The following GUCY1A1 variants were observed in gnomAD, a reference collection of about 807,000 sequenced individuals.
GUCY1A1 encodes guanylate cyclase soluble subunit alpha-1.
GUCY1A1 carries 48 observed loss-of-function variants against 64.5 expected under a neutral mutation model. That is an observed-to-expected ratio of 0.74 (90% CI 0.59 to 0.95). The LOEUF (loss-of-function observed/expected upper bound fraction) is 0.95. GUCY1A1 is among the 40% of genes least tolerant of loss of function. GUCY1A1 has a pLI of 0.00. For synonymous variants in GUCY1A1, 308 were observed against 303.4 expected (o/e 1.02, Z -0.16); for missense variants, 804 against 825.3 (o/e 0.97, Z 0.32).
At chr4:155,717,350 G>T (rs760759682) in intron 8 of GUCY1A1, 48 bp downstream of exon 8, 1 of 1,381,360 alleles carries the variant, frequency 7.2e-7, no homozygotes, top group Non-Finnish European at 9.7e-7. Context: ...GAGCAAATGC[G>T]TATAGTTGAT....
intron 9 of GUCY1A1, among the ~76,000 whole-genome samples, chr4:155,729,313 G>A (rs982638241): frequency 4.0e-5 from 6 of 151,758 alleles, no homozygotes; most frequent in Non-Finnish European, 7.4e-5. Flanking sequence ...GGAAGCAAAT[G>A]GAAAGAGATG....
At chr4:155,673,442 G>C (rs1172516503) in intron 2 of GUCY1A1, among the ~76,000 whole-genome samples, 1 of 151,660 alleles carries the variant, frequency 6.6e-6, no homozygotes, top group East Asian at 1.9e-4. Flanking sequence ...GGAGAAGGAA[G>C]AGAGTTCGGT....
At chr4:155,729,694 T>TA (rs1735281179) in intron 9 of GUCY1A1, among the ~76,000 whole-genome samples, 1 of 151,886 alleles carries the variant, frequency 6.6e-6, no homozygotes, top group African/African-American at 2.4e-5. Context: ...TTAATACTGT[T>TA]ATGGTTATGT....
chr4:155,690,812 T>C (rs1206442258), intron 2 of GUCY1A1, among the ~76,000 whole-genome samples: 1 of 152,192 alleles, frequency 6.6e-6, no homozygotes, highest in Non-Finnish European at 1.5e-5. Context: ...ATAGTTTTCC[T>C]CCTGGATTGT....
intron 8 of GUCY1A1, among the ~76,000 whole-genome samples, chr4:155,719,249 C>A (rs774654823): frequency 7.9e-5 from 12 of 152,116 alleles, no homozygotes; most frequent in Non-Finnish European, 1.6e-4. Context: ...ATTAATCATA[C>A]CTTTTTATGC....
chr4:155,707,322 G>A (rs577615680), intron 4 of GUCY1A1, among the ~76,000 whole-genome samples: 15 of 152,058 alleles, frequency 9.9e-5, no homozygotes, highest in Non-Finnish European at 1.6e-4. Flanking sequence ...CATTTAACAC[G>A]CTTAACCTAC....
In GUCY1A1 at chr4:155,731,513, TC is replaced by T. The variant is rs1312373188; in HGVS notation, c.*1283del. 6.6e-6 allele frequency: 1 copy of T among 151,884 alleles called. No individual in the cohort carries two copies. The highest frequency in any genetic ancestry group is 2.4e-5 in the African/African-American group (1 of 41,414). The allele number at this position is 151,884 out of a possible 1,614,324, so 9.4% of individuals were successfully genotyped here. ...TATTTTTTCCGGAACTTCAACTTTT[TC>T]TTTTTGTTTTACATAAACATTTAAG... On this transcript the variant is annotated 3_prime_UTR_variant, in exon 10 of 10. Transcript: ENST00000506455.
intron 2 of GUCY1A1, among the ~76,000 whole-genome samples, chr4:155,679,414 A>G (rs1458846742): frequency 2.0e-5 from 3 of 152,220 alleles, no homozygotes; most frequent in African/African-American, 7.2e-5. Context: ...TGGCACCAGC[A>G]TTTGCTTCTA....
At chr4:155,717,349 C>T (rs561957435) in intron 8 of GUCY1A1, 47 bp downstream of exon 8, 8 of 1,381,844 alleles carry the variant, frequency 5.8e-6, no homozygotes, top group South Asian at 1.7e-5. Context: ...AGAGCAAATG[C>T]GTATAGTTGA....
intron 2 of GUCY1A1, among the ~76,000 whole-genome samples, chr4:155,685,575 T>C (rs1032657100): frequency 1.1e-4 from 17 of 150,910 alleles, no homozygotes; most frequent in Non-Finnish European, 2.4e-4. Context: ...ACCGCCTCCA[T>C]TGATGCATCT....
intron 3 of GUCY1A1, 53 bp from the exon 4 acceptor site, chr4:155,703,879 C>A: frequency 8.9e-7 from 1 of 1,121,078 alleles, no homozygotes; most frequent in Admixed American, 2.1e-5. Context: ...TATATAATTC[C>A]AAACAAATTA....
At position 155,692,401 on chromosome 4, in the gene GUCY1A1, A is replaced by C. The variant is rs573986828; in HGVS notation, c.-112-4355A>C. ...TTCCACAATGGCTGAAGTAATTTAC[A>C]CTCCCACGAAGAGTGTAAATTAAAA... On this transcript the variant is annotated intron_variant, in intron 2 of 9. Transcript: ENST00000506455. Among the ~76,000 whole-genome samples the C allele has an allele frequency of 1.1e-4, 16 of 152,102 alleles. 1 individual carries two copies. Among genetic ancestry groups the C allele is most frequent in the African/African-American group, 3.9e-4 (16 of 41,494 alleles).
rs1732503464 is a variant in GUCY1A1 at position 155,711,013 on chromosome 4, G to A, written c.848G>A (p.Cys283Tyr). Residue 283 changes from cysteine (C) to tyrosine (Y), a missense_variant, in exon 6 of 10, where the codon TGC becomes TAC. Transcript: ENST00000506455. ...CTGGTGATTCCCACATCGCTATTCT[G>A]CAAGACATTTCCATTCCATTTCATG... ...SSLVIPTSLFCKTFPFHFMFD... is the reference protein window; with the variant it reads ...SSLVIPTSLFYKTFPFHFMFD... 1 of 1,613,816 alleles carries A rather than the reference G, an allele frequency of 6.2e-7. No homozygotes were observed. Among genetic ancestry groups the A allele is most frequent in the African/African-American group, 1.3e-5 (1 of 74,896 alleles).
intron 9 of GUCY1A1, among the ~76,000 whole-genome samples, chr4:155,725,574 A>G (rs545518979): frequency 2.6e-4 from 40 of 152,232 alleles, no homozygotes; most frequent in African/African-American, 9.4e-4. Context: ...CTACATATAA[A>G]AAGCATATTT....
Position 155,717,204 on chromosome 4 carries a change from A to G in GUCY1A1, c.1618A>G (p.Lys540Glu). ...DAYCVAGGLH[K>E]ESDTHAVQIA... ...CTATTGTGTAGCTGGGGGATTACAC[A>G]AAGAGAGTGATACTCATGCTGTTCA... Residue 540 changes from lysine (K) to glutamate (E), a missense_variant, in exon 8 of 10, where the codon AAA becomes GAA. Coordinates refer to ENST00000506455, the MANE Select transcript of GUCY1A1 (RefSeq NM_001130682.3). 1 of 1,570,146 alleles carries G rather than the reference A, an allele frequency of 6.4e-7. No homozygotes were observed.
chr4:155,712,624 C>T (rs551410813), intron 6 of GUCY1A1, among the ~76,000 whole-genome samples: 1 of 151,732 alleles, frequency 6.6e-6, no homozygotes, highest in East Asian at 1.9e-4. Flanking sequence ...GGAGCAAGTA[C>T]TTATGGGAGA....
chr4:155,709,781 C>T (rs183762227), intron 5 of GUCY1A1, among the ~76,000 whole-genome samples: 1,599 of 151,838 alleles, frequency 0.011, 8 homozygotes, highest in African/African-American at 0.02. Context: ...TACAGTGAGC[C>T]GAGATCGCAC....
In GUCY1A1 at chr4:155,713,399, C is replaced by T. The variant is rs1732839632; in HGVS notation, c.1388C>T (p.Ala463Val). 1.2e-6 allele frequency: 2 copies of T among 1,614,148 alleles called. No homozygotes were observed. The highest frequency in any genetic ancestry group is 4.5e-5 in the East Asian group (2 of 44,870). The change falls in exon 7 of 10, where the codon GCT becomes GTT. Residue 463 changes from alanine (A) to valine (V), a missense_variant. Physicochemically the swap from Ala to Val is moderately conservative, Grantham distance 64. Coordinates refer to ENST00000506455, the MANE Select transcript of GUCY1A1 (RefSeq NM_001130682.3). ...LLCSIFPCEV[A>V]QQLWQGQVVQ... ...TGCTCCATATTTCCCTGTGAGGTTG[C>T]TCAGCAGCTGTGGCAAGGGCAAGTT...
Position 155,679,825 on chromosome 4 carries a change from T to TA in GUCY1A1, c.-113+12406_-113+12407insA, listed in dbSNP as rs1341673913. 2.6e-5 allele frequency among the ~76,000 whole-genome samples: 4 copies of TA among 152,220 alleles called. No individual in the cohort carries two copies. The East Asian group carries it at 7.7e-4, about 29-fold the overall frequency. On this transcript the variant is annotated intron_variant, in intron 2 of 9. Transcript: ENST00000506455. The stretch of plus-strand genomic sequence containing the variant: ...TCCAGTTGTTCCAATGGCATTTTTA[T>TA]TAAAAAACAAACAAACATATTTTCT...
Sources: allele counts gnomAD v4.1 joint callset (sites outside exome capture counted in the v4.1 genomes callset), GRCh38; gene constraint gnomAD v4.1.1; transcripts MANE v1.5; gene names NCBI Gene and HGNC (gene_info 2026-07-23, HGNC 2026-07-21).